ANKFN1: variants seen among roughly 807,000 people sequenced by gnomAD.
The protein encoded by ANKFN1 is ankyrin repeat and fibronectin type-III domain-containing protein 1.
Under a neutral mutation model 108.7 loss-of-function variants are expected in ANKFN1, and 74 were observed. The observed-to-expected ratio is 0.68, with a 90% CI of 0.56 to 0.83. The LOEUF is 0.83. Ranked by LOEUF, ANKFN1 falls within the 40% of genes least tolerant of loss-of-function variation. ANKFN1 has a pLI of 0.00. For synonymous variants in ANKFN1, 547 were observed against 516.2 expected (o/e 1.06, Z -0.81); for missense variants, 1,505 against 1,382.3 (o/e 1.09, Z -1.41).
chr17:56,333,108 C>G (rs993116292), intron 4 of ANKFN1, among the ~76,000 whole-genome samples: 3 of 151,792 alleles, frequency 2.0e-5, no homozygotes, highest in African/African-American at 7.3e-5. Context: ...TTCATGTTAT[C>G]TGCAAATGAA....
chr17:56,458,892 G>T (rs1196869545), intron 14 of ANKFN1, among the ~76,000 whole-genome samples: 3 of 152,126 alleles, frequency 2.0e-5, no homozygotes, highest in Non-Finnish European at 4.4e-5. Context: ...AATTTCTATG[G>T]CTTTGCCCCC....
intron 3 of ANKFN1, among the ~76,000 whole-genome samples, chr17:56,274,405 G>A (rs1222256788): frequency 6.6e-6 from 1 of 152,104 alleles, no homozygotes; most frequent in Non-Finnish European, 1.5e-5. Context: ...CCCGGGAGGC[G>A]GAGCTTGCAG....
chr17:56,106,806 G>A (rs142305685), intron 4 of ANKFN1, among the ~76,000 whole-genome samples: 295 of 152,188 alleles, frequency 1.9e-3, no homozygotes, highest in African/African-American at 6.3e-3. Flanking sequence ...AAGGGAGGGC[G>A]CCTGAGAATG....
At chr17:56,085,081 A>G in intron 4 of ANKFN1, among the ~76,000 whole-genome samples, 1 of 150,482 alleles carries the variant, frequency 6.6e-6, no homozygotes, top group East Asian at 1.9e-4. Context: ...TATCCAACAA[A>G]TATTTGTTGA....
intron 18 of ANKFN1, among the ~76,000 whole-genome samples, chr17:56,483,992 C>G (rs1342306513): frequency 6.6e-6 from 1 of 152,110 alleles, no homozygotes; most frequent in Non-Finnish European, 1.5e-5. Flanking sequence ...AGCACATTCT[C>G]TCAAAGAAGA....
At chr17:56,112,656 C>T (rs1009121715) in intron 4 of ANKFN1, among the ~76,000 whole-genome samples, 1 of 152,068 alleles carries the variant, frequency 6.6e-6, no homozygotes, top group Non-Finnish European at 1.5e-5. Flanking sequence ...TTATCTTAAA[C>T]TTTTAAATAG....
At chr17:56,201,264 CT>C (rs921087402) in intron 1 of ANKFN1, among the ~76,000 whole-genome samples, 2 of 152,180 alleles carry the variant, frequency 1.3e-5, no homozygotes, top group African/African-American at 4.8e-5. Context: ...ACCATCAAGC[CT>C]TTACATCGCT....
At chr17:56,092,539 GTT>G (rs1244971680) in intron 4 of ANKFN1, among the ~76,000 whole-genome samples, 10 of 151,134 alleles carry the variant, frequency 6.6e-5, no homozygotes, top group African/African-American at 2.4e-4. Flanking sequence ...CTCCCAAAGT[GTT>G]AGGATTACAG....
intron 4 of ANKFN1, among the ~76,000 whole-genome samples, chr17:56,337,379 C>T (rs2045841243): frequency 6.6e-6 from 1 of 152,068 alleles, no homozygotes; most frequent in Non-Finnish European, 1.5e-5. Context: ...TCTCTAAGGA[C>T]TTGTTTTATC....
At chr17:56,491,421 A>C (rs1473606262) in intron 18 of ANKFN1, among the ~76,000 whole-genome samples, 1 of 152,214 alleles carries the variant, frequency 6.6e-6, no homozygotes, top group Non-Finnish European at 1.5e-5. Context: ...AGAGAAGTAC[A>C]GGAAATCTGA....
At position 56,466,476 on chromosome 17, in the gene ANKFN1, A is replaced by G. The variant is rs2050075705; in HGVS notation, c.1678A>G (p.Lys560Glu). 1 of 1,614,078 alleles carries G rather than the reference A, an allele frequency of 6.2e-7. No homozygotes were observed. The part of the protein sequence containing the change: ...VEMLYSFFNG[K>E]WMQISKLQSQ... ...GATGCTTTATTCATTTTTTAATGGC[A>G]AATGGATGCAGATCTCAAAGCTGCA... The change falls in exon 15 of 21, where the codon AAA becomes GAA. Residue 560 changes from lysine to glutamate, a missense_variant. Lys to Glu is a moderately conservative substitution (Grantham distance 56, BLOSUM62 1). Coordinates refer to ENST00000682825, the MANE Select transcript of ANKFN1 (RefSeq NM_001370326.1).
At position 56,489,453 on chromosome 17, in the gene ANKFN1, A is replaced by T. The variant is rs1343920222; in HGVS notation, c.2261-2734A>T. On this transcript the variant is annotated intron_variant, in intron 18 of 20. Coordinates refer to ENST00000682825, the MANE Select transcript of ANKFN1 (RefSeq NM_001370326.1). ...GTAACATTAAAGGGTCTGGATTTAA[A>T]AAAAAAAAAAAAAAAACCACAAGAG... Among the ~76,000 whole-genome samples, 3 of 98,416 alleles carry T rather than the reference A, an allele frequency of 3.0e-5. No homozygotes were observed. In the African/African-American group the frequency reaches 3.1e-4, roughly 10 times the overall value. 64.6% of individuals were successfully genotyped at this position (98,416 alleles called of 152,430 possible).
intron 11 of ANKFN1, among the ~76,000 whole-genome samples, chr17:56,454,597 T>C (rs2049620456): frequency 6.6e-6 from 1 of 152,162 alleles, no homozygotes; most frequent in African/African-American, 2.4e-5. Context: ...ACAGGATTCA[T>C]TGTAGGGTGA....
At chr17:56,300,890 C>A (rs2044652540) in intron 3 of ANKFN1, among the ~76,000 whole-genome samples, 1 of 152,144 alleles carries the variant, frequency 6.6e-6, no homozygotes. Flanking sequence ...GTCCCTCCAC[C>A]TTAATCAAAT....
intron 3 of ANKFN1, among the ~76,000 whole-genome samples, chr17:56,247,295 G>C (rs1349828589): frequency 6.6e-6 from 1 of 152,100 alleles, no homozygotes; most frequent in African/African-American, 2.4e-5. Context: ...GAAATTTAGG[G>C]ATTTAAATGT....
At chr17:56,129,488 A>T (rs1450478040) in intron 4 of ANKFN1, among the ~76,000 whole-genome samples, 2 of 51,754 alleles carry the variant, frequency 3.9e-5, no homozygotes, top group Non-Finnish European at 8.4e-5. Flanking sequence ...ACCACTCCAT[A>T]AAAAAAAAAA....
At chr17:56,104,359 C>T (rs1023279169) in intron 4 of ANKFN1, among the ~76,000 whole-genome samples, 1 of 152,238 alleles carries the variant, frequency 6.6e-6, no homozygotes, top group Non-Finnish European at 1.5e-5. Context: ...TTGTGAAACA[C>T]TTGTCAAAGG....
chr17:56,257,839 C>T (rs2043396906), intron 3 of ANKFN1: 1 of 152,228 alleles, frequency 6.6e-6, no homozygotes, highest in South Asian at 2.1e-4. Context: ...AAAGGGGAAA[C>T]ATGTTGGTTT....
chr17:56,183,841 T>C (rs767638877), intron 1 of ANKFN1, among the ~76,000 whole-genome samples: 6 of 152,220 alleles, frequency 3.9e-5, no homozygotes, highest in Non-Finnish European at 7.3e-5. Flanking sequence ...AGCTCAACAC[T>C]TCAGCGGATG....
Sources: gnomAD v4.1 joint callset for allele counts (sites outside exome capture counted in the v4.1 genomes callset) on GRCh38, gnomAD v4.1.1 for gene constraint, MANE v1.5 for transcripts, NCBI Gene and HGNC (gene_info 2026-07-23, HGNC 2026-07-21) for gene names.